NRXN3: variants seen among roughly 807,000 people sequenced by gnomAD.
NRXN3 encodes neurexin 3, also known as neurexin III.
Under a neutral mutation model 137.6 loss-of-function variants are expected in NRXN3, and 32 were observed. The observed-to-expected ratio is 0.23, with a 90% CI of 0.18 to 0.31. The LOEUF (loss-of-function observed/expected upper bound fraction) is 0.31, where lower values mean the gene tolerates loss of function less well. Among genes scored for constraint, NRXN3 ranks in the 10% least tolerant of loss-of-function variants. NRXN3 has a pLI of 1.00. For missense variants in NRXN3, 1,574 were observed against 2,062.5 expected (o/e 0.76, Z 4.59); for synonymous variants, 798 against 784.5 (o/e 1.02, Z -0.29).
At chr14:78,636,611 G>C (rs995644505) in intron 4 of NRXN3, among the ~76,000 whole-genome samples, 1 of 152,168 alleles carries the variant, frequency 6.6e-6, no homozygotes, top group African/African-American at 2.4e-5. Context: ...ATTCCCCTCT[G>C]TAAGACGGAG....
At chr14:79,098,441 C>A (rs1023252993) in intron 15 of NRXN3, among the ~76,000 whole-genome samples, 1 of 152,124 alleles carries the variant, frequency 6.6e-6, no homozygotes. Flanking sequence ...AAATATTTTT[C>A]TTTTCCTCAT....
chr14:78,768,998 C>G (rs1300343936), intron 8 of NRXN3, among the ~76,000 whole-genome samples: 1 of 152,174 alleles, frequency 6.6e-6, no homozygotes, highest in East Asian at 1.9e-4. Context: ...TCATCTCCAT[C>G]TCTGGAAGTC....
intron 16 of NRXN3, among the ~76,000 whole-genome samples, chr14:79,660,605 G>A (rs1339794783): frequency 6.6e-6 from 1 of 152,152 alleles, no homozygotes; most frequent in Non-Finnish European, 1.5e-5. Context: ...ATATCTTGCT[G>A]ATCAGCGAAC....
intron 4 of NRXN3, 84 bp downstream of exon 4, chr14:78,297,944 C>G: frequency 1.3e-6 from 2 of 1,486,828 alleles, no homozygotes; most frequent in South Asian, 1.2e-5. Flanking sequence ...CTCATCGTCA[C>G]TGGCAGGCCA....
At chr14:79,429,399 CT>C (rs1160743827) in intron 15 of NRXN3, among the ~76,000 whole-genome samples, 1 of 152,116 alleles carries the variant, frequency 6.6e-6, no homozygotes, top group Non-Finnish European at 1.5e-5. Context: ...AGTTTGAATC[CT>C]TTGCTGGGTG....
At chr14:79,335,998 T>G (rs1284173126) in intron 15 of NRXN3, among the ~76,000 whole-genome samples, 1 of 152,184 alleles carries the variant, frequency 6.6e-6, no homozygotes, top group East Asian at 1.9e-4. Context: ...ATGCTCCACA[T>G]CTGCATCAAT....
chr14:79,763,711 G>A (rs1344461074), intron 19 of NRXN3, among the ~76,000 whole-genome samples: 1 of 151,558 alleles, frequency 6.6e-6, no homozygotes, highest in Admixed American at 6.5e-5. Context: ...ATGGTGGAAA[G>A]GACAAGGGGT....
intron 4 of NRXN3, among the ~76,000 whole-genome samples, chr14:78,540,024 C>T (rs1208194274): frequency 6.6e-6 from 1 of 152,064 alleles, no homozygotes; most frequent in Non-Finnish European, 1.5e-5. Flanking sequence ...GCTTTACTCC[C>T]AATTATGTGG....
intron 15 of NRXN3, among the ~76,000 whole-genome samples, chr14:79,283,858 A>G (rs1341585913): frequency 6.6e-6 from 1 of 152,168 alleles, no homozygotes; most frequent in African/African-American, 2.4e-5. Flanking sequence ...TCAGCTAGGA[A>G]TAATTGCAAA....
chr14:79,004,214 T>C (rs2099547501), intron 15 of NRXN3, among the ~76,000 whole-genome samples: 1 of 152,192 alleles, frequency 6.6e-6, no homozygotes, highest in African/African-American at 2.4e-5. Context: ...ATTCATTTAC[T>C]TCTGAGCCTT....
At chr14:79,843,900 C>T (rs1173952888) in intron 20 of NRXN3, among the ~76,000 whole-genome samples, 1 of 152,058 alleles carries the variant, frequency 6.6e-6, no homozygotes, top group Non-Finnish European at 1.5e-5. Flanking sequence ...TTATCCCTTG[C>T]CCCCTCCCAA....
intron 15 of NRXN3, among the ~76,000 whole-genome samples, chr14:79,287,239 A>G (rs1326401513): frequency 1.3e-5 from 2 of 152,216 alleles, no homozygotes; most frequent in African/African-American, 2.4e-5. Flanking sequence ...GCACTAGAAC[A>G]CAGCATGGGA....
At chr14:79,315,279 G>A (rs1216754627) in intron 15 of NRXN3, among the ~76,000 whole-genome samples, 1 of 152,176 alleles carries the variant, frequency 6.6e-6, no homozygotes, top group Non-Finnish European at 1.5e-5. Context: ...TAATAACTTA[G>A]TTGTTAGTCT....
In NRXN3 at chr14:78,971,425, C is replaced by CATATAT. The variant is rs10560521; in HGVS notation, c.3142+3091_3142+3096dup. Among the ~76,000 whole-genome samples the CATATAT allele has an allele frequency of 6.3e-4, 93 of 148,448 alleles. 3 individuals are homozygous for CATATAT. In the South Asian group the frequency reaches 9.8e-3, roughly 16 times the overall value. ...AGCAAATCTAGAATACACAGATAAA[C>CATATAT]ATATATATATATATATACACACACA... On this transcript the variant is annotated intron_variant, in intron 14 of 20. Transcript: ENST00000335750.
rs145005935 is a variant in NRXN3, at chr14:79,137,025, G to T, written c.3262+148884G>T. Among the ~76,000 whole-genome samples, 8 of 152,246 alleles carry T rather than the reference G, an allele frequency of 5.3e-5. No homozygotes were observed. The East Asian group carries it at 1.5e-3, about 29-fold the overall frequency. On this transcript the variant is annotated intron_variant, in intron 15 of 20. Coordinates refer to ENST00000335750, the MANE Select transcript of NRXN3 (RefSeq NM_001330195.2). Reference sequence around the variant, plus strand: ...CTTTAATCACCTTTTACCCCTTGGGGCCATTTGAGGACCATGAAATTCTAA... The same window carrying T: ...CTTTAATCACCTTTTACCCCTTGGGTCCATTTGAGGACCATGAAATTCTAA...
At chr14:79,098,123 T>C (rs373375073) in intron 15 of NRXN3, among the ~76,000 whole-genome samples, 2 of 152,120 alleles carry the variant, frequency 1.3e-5, no homozygotes, top group South Asian at 2.1e-4. Context: ...CCCATAATGG[T>C]CACTTTGGCT....
intron 15 of NRXN3, among the ~76,000 whole-genome samples, chr14:79,271,108 G>C (rs1379314636): frequency 6.6e-6 from 1 of 152,166 alleles, no homozygotes; most frequent in East Asian, 1.9e-4. Context: ...TAGTGAGTGA[G>C]ACAGACACTT....
intron 14 of NRXN3, among the ~76,000 whole-genome samples, chr14:78,974,522 G>A (rs1316156391): frequency 3.9e-5 from 6 of 152,170 alleles, no homozygotes; most frequent in African/African-American, 1.4e-4. Flanking sequence ...CCAAAGCGTA[G>A]ATACAGATTT....
chr14:79,772,954 A>G (rs1232969193), intron 19 of NRXN3, among the ~76,000 whole-genome samples: 1 of 152,208 alleles, frequency 6.6e-6, no homozygotes, highest in East Asian at 1.9e-4. Flanking sequence ...AACCCCATCA[A>G]AAAGTGGGCA....
Sources: gnomAD v4.1 joint callset for allele counts (sites outside exome capture counted in the v4.1 genomes callset) on GRCh38, gnomAD v4.1.1 for gene constraint, MANE v1.5 for transcripts, NCBI Gene and HGNC (gene_info 2026-07-23, HGNC 2026-07-21) for gene names.